The following TAF3 variants were observed in gnomAD, a reference collection of about 807,000 sequenced individuals.
The protein encoded by TAF3 is transcription initiation factor TFIID subunit 3.
Under a neutral mutation model 80.6 loss-of-function variants are expected in TAF3, and 7 were observed. That is an observed-to-expected ratio of 0.09 (90% CI 0.05 to 0.16). The LOEUF is 0.16. Among genes scored for constraint, TAF3 ranks in the 10% least tolerant of loss-of-function variants. The pLI is 1.00. For synonymous variants in TAF3, 444 were observed against 446.1 expected, an observed-to-expected ratio of 1.00 and a Z score of 0.06; for missense variants, 921 against 1,140.2, an observed-to-expected ratio of 0.81 and a Z score of 2.77.
intron 3 of TAF3, among the ~76,000 whole-genome samples, chr10:7,967,503 G>A (rs1159768411): frequency 6.6e-6 from 1 of 152,234 alleles, no homozygotes; most frequent in East Asian, 1.9e-4. Flanking sequence ...CTGAGAGAAA[G>A]ATACATGTTC....
At chr10:7,828,798 C>T (rs1039272948) in intron 2 of TAF3, among the ~76,000 whole-genome samples, 1 of 151,950 alleles carries the variant, frequency 6.6e-6, no homozygotes, top group Non-Finnish European at 1.5e-5. Context: ...CTTTGGGAGG[C>T]CGAGGTGGGC....
At chr10:7,846,227 C>T (rs577349655) in intron 2 of TAF3, among the ~76,000 whole-genome samples, 1 of 151,944 alleles carries the variant, frequency 6.6e-6, no homozygotes, top group Admixed American at 6.6e-5. Context: ...GAAGTGCTGG[C>T]ATTACAGGCA....
At chr10:7,927,103 C>T (rs1837823267) in intron 2 of TAF3, among the ~76,000 whole-genome samples, 1 of 152,138 alleles carries the variant, frequency 6.6e-6, no homozygotes, top group African/African-American at 2.4e-5. Flanking sequence ...ACTGGTCATG[C>T]CCAAGTATTG....
At chr10:7,903,334 A>G (rs1459609592) in intron 2 of TAF3, among the ~76,000 whole-genome samples, 3 of 152,202 alleles carry the variant, frequency 2.0e-5, no homozygotes, top group African/African-American at 4.8e-5. Flanking sequence ...ACAAGTGTCC[A>G]TCTCAGCTTT....
chr10:7,901,177 T>A (rs1317114707), intron 2 of TAF3, among the ~76,000 whole-genome samples: 1 of 152,212 alleles, frequency 6.6e-6, no homozygotes, highest in East Asian at 1.9e-4. Flanking sequence ...TATTTGTAAT[T>A]AAGTTTAACT....
intron 4 of TAF3, among the ~76,000 whole-genome samples, chr10:8,002,327 A>G (rs1286781815): frequency 2.6e-5 from 4 of 152,178 alleles, no homozygotes; most frequent in Admixed American, 1.3e-4. Flanking sequence ...CCCGTCGCAC[A>G]TCGTAAAGCA....
rs568360055 is a variant in TAF3, at chr10:7,886,443, CTA to C, written c.409+61885_409+61886del. On this transcript the variant is annotated intron_variant, in intron 2 of 6. Transcript: ENST00000344293. ...TTATTTTTTAATCATGAATATGTAA[CTA>C]TTTTTTTCTTTACACAAAATATATA... Among the ~76,000 whole-genome samples the C allele has an allele frequency of 5.3e-5, 8 of 152,250 alleles. No individual in the cohort carries two copies. In the South Asian group the frequency reaches 1.7e-3, roughly 32 times the overall value.
intron 2 of TAF3, among the ~76,000 whole-genome samples, chr10:7,840,567 T>C (rs528286886): frequency 6.6e-6 from 1 of 152,178 alleles, no homozygotes; most frequent in Non-Finnish European, 1.5e-5. Flanking sequence ...ATTTAGAATT[T>C]GCCAGAAATT....
intron 4 of TAF3, among the ~76,000 whole-genome samples, chr10:7,982,884 A>G (rs1025606014): frequency 1.3e-5 from 2 of 152,230 alleles, no homozygotes; most frequent in African/African-American, 4.8e-5. Context: ...AGAGGAAAGC[A>G]TGAAAGAACA....
chr10:8,013,606 A>C, intron 5 of TAF3, 125 bp from the exon 6 acceptor site: 2 of 644,208 alleles, frequency 3.1e-6, no homozygotes, highest in Non-Finnish European at 5.4e-6. Context: ...CTGATCTACT[A>C]TATTTTTTAG....
At chr10:8,004,678 CT>C (rs1212507440) in intron 4 of TAF3, among the ~76,000 whole-genome samples, 1 of 152,078 alleles carries the variant, frequency 6.6e-6, no homozygotes, top group African/African-American at 2.4e-5. Flanking sequence ...AGGAATTGTT[CT>C]TTTTTCCCTC....
intron 2 of TAF3, among the ~76,000 whole-genome samples, chr10:7,870,675 G>C (rs1043461476): frequency 2.0e-4 from 31 of 152,058 alleles, no homozygotes; most frequent in Non-Finnish European, 1.5e-4. Flanking sequence ...GGCAGAACTC[G>C]ACACGCTTCT....
Position 8,014,654 on chromosome 10 carries a change from T to G in TAF3, c.2693T>G (p.Met898Arg). Residue 898 changes from methionine to arginine, a missense_variant, in exon 7 of 7, where the codon ATG becomes AGG. Physicochemically the swap from Met to Arg is moderately conservative, Grantham distance 91. Around this residue, in one of 6 missense-constraint regions of TAF3, gnomAD observed 11 missense variants for 20.3 expected, o/e 0.54. Coordinates refer to ENST00000344293, the MANE Select transcript of TAF3 (RefSeq NM_031923.4). ...ACGTGCAGGCCCTGTGTTGGAATCA[T>G]GACTGCACCCCCAGAAGAGATGCAG... ...DWYHWPCVGI[M>R]TAPPEEMQWF... 6.2e-7 allele frequency: 1 copy of G among 1,613,200 alleles called. No individual in the cohort carries two copies. The highest frequency in any genetic ancestry group is 8.5e-7 in the Non-Finnish European group (1 of 1,179,568).
intron 3 of TAF3, among the ~76,000 whole-genome samples, chr10:7,967,724 C>T (rs946793954): frequency 6.6e-5 from 10 of 152,136 alleles, no homozygotes; most frequent in Non-Finnish European, 1.5e-4. Context: ...CCGTATCTGA[C>T]GCATAAATGT....
At chr10:8,014,156 C>T (rs1832082091) in intron 6 of TAF3, among the ~76,000 whole-genome samples, 1 of 152,200 alleles carries the variant, frequency 6.6e-6, no homozygotes, top group South Asian at 2.1e-4. Flanking sequence ...GGAGCTGTAG[C>T]ACTGGCCAGG....
intron 1 of TAF3, among the ~76,000 whole-genome samples, chr10:7,821,062 G>C (rs1251883306): frequency 2.0e-5 from 3 of 152,146 alleles, no homozygotes; most frequent in Non-Finnish European, 4.4e-5. Context: ...AAACAGAAGG[G>C]AGCTGCCACT....
intron 2 of TAF3, among the ~76,000 whole-genome samples, chr10:7,894,610 C>T (rs991290609): frequency 6.6e-6 from 1 of 152,086 alleles, no homozygotes; most frequent in African/African-American, 2.4e-5. Flanking sequence ...ATTTTCTGTT[C>T]ATTTTTTTAG....
Position 7,917,977 on chromosome 10 carries a change from C to T in TAF3, c.410-45943C>T, listed in dbSNP as rs143095288. ...GGTACAGGCACTTTCAGTGTTTAGA[C>T]ATGACAAAGAGCAAACACAGGAAGG... On this transcript the variant is annotated intron_variant, in intron 2 of 6. Transcript: ENST00000344293. Among the ~76,000 whole-genome samples, 404 of 152,270 alleles carry T rather than the reference C, an allele frequency of 2.7e-3. 1 individual carries two copies. The highest frequency in any genetic ancestry group is 9.3e-3 in the African/African-American group (385 of 41,542).
chr10:7,845,746 G>T (rs1836963389), intron 2 of TAF3, among the ~76,000 whole-genome samples: 1 of 152,150 alleles, frequency 6.6e-6, no homozygotes, highest in African/African-American at 2.4e-5. Flanking sequence ...AATTGGCCGT[G>T]TGAGAGGCCA....
Sources: allele counts gnomAD v4.1 joint callset (sites outside exome capture counted in the v4.1 genomes callset), GRCh38; gene constraint gnomAD v4.1.1; regional missense constraint gnomAD v4.1.1; transcripts MANE v1.5; gene names NCBI Gene and HGNC (gene_info 2026-07-23, HGNC 2026-07-21).